Variants in FSTL5 observed in about 807,000 individuals in gnomAD.
FSTL5 encodes follistatin-related protein 5.
A neutral mutation model predicts 89.1 loss-of-function variants in FSTL5; 62 were observed. The ratio of observed to expected loss-of-function variants is 0.70; its 90% confidence interval spans 0.57 to 0.86. FSTL5 has a LOEUF of 0.86. Ranked by LOEUF, FSTL5 falls within the 40% of genes least tolerant of loss-of-function variation. The probability of loss-of-function intolerance (pLI) is 0.00; values close to 1 mark genes in which losing one functional copy is unlikely to be tolerated. For synonymous variants in FSTL5, 383 were observed against 346.2 expected (o/e 1.11, Z -1.18); for missense variants, 1,057 against 1,001.6 (o/e 1.06, Z -0.75).
intron 4 of FSTL5, among the ~76,000 whole-genome samples, chr4:161,880,702 C>T (rs755345136): frequency 1.2e-4 from 19 of 152,076 alleles, no homozygotes; most frequent in Admixed American, 2.0e-4. Context: ...AGTGAAATAC[C>T]ACTCAACAAT....
chr4:161,515,475 G>A (rs1044487466), intron 10 of FSTL5, among the ~76,000 whole-genome samples: 1 of 151,800 alleles, frequency 6.6e-6, no homozygotes, highest in Non-Finnish European at 1.5e-5. Context: ...CCAGAGTGCT[G>A]GGATTACAAG....
chr4:161,839,405 A>G (rs543188205), intron 4 of FSTL5, among the ~76,000 whole-genome samples: 1 of 152,188 alleles, frequency 6.6e-6, no homozygotes, highest in East Asian at 1.9e-4. Flanking sequence ...TTTGCCAAAG[A>G]TCTAATTTCT....
chr4:161,477,157 C>T (rs1490169535), intron 13 of FSTL5, among the ~76,000 whole-genome samples: 1 of 151,546 alleles, frequency 6.6e-6, no homozygotes, highest in Non-Finnish European at 1.5e-5. Flanking sequence ...TTTAAATTTC[C>T]ACTTAGTCTT....
intron 4 of FSTL5, among the ~76,000 whole-genome samples, chr4:161,837,031 A>G (rs539765624): frequency 6.6e-6 from 1 of 152,280 alleles, no homozygotes; most frequent in South Asian, 2.1e-4. Flanking sequence ...AGTTGGACCT[A>G]TGAGTCTAAA....
chr4:162,065,552 G>T (rs10004777), intron 2 of FSTL5, among the ~76,000 whole-genome samples: 36,420 of 151,680 alleles, frequency 0.24, 5,084 homozygotes, highest in Non-Finnish European at 0.32. Context: ...AAGACAAGAG[G>T]TAACACATTT....
At chr4:161,691,959 A>G (rs946980719) in intron 6 of FSTL5, among the ~76,000 whole-genome samples, 1 of 152,062 alleles carries the variant, frequency 6.6e-6, no homozygotes, top group African/African-American at 2.4e-5. Flanking sequence ...ACATATATGT[A>G]TATACACAAT....
rs72987275 is a variant in FSTL5 at position 161,403,334 on chromosome 4, C to T, written c.1842-16885G>A. Among the ~76,000 whole-genome samples the T allele has an allele frequency of 6.0e-3, 901 of 151,316 alleles. 4 individuals are homozygous for T. The highest frequency in any genetic ancestry group is 0.02 in the African/African-American group (821 of 41,268). On this transcript the variant is annotated intron_variant, in intron 15 of 15. Coordinates refer to ENST00000306100, the MANE Select transcript of FSTL5 (RefSeq NM_020116.5). ...GTGTGTGTGTTTGTTTGTTTTCTAA[C>T]GAAAAAACAAGAGGAATCTTTTAAA...
At chr4:161,861,298 C>T (rs74415784) in intron 4 of FSTL5, among the ~76,000 whole-genome samples, 4,333 of 152,082 alleles carry the variant, frequency 0.028, 88 homozygotes, top group Middle Eastern at 0.044. Context: ...TGGTGCGTGC[C>T]GCAATCGCAG....
intron 6 of FSTL5, among the ~76,000 whole-genome samples, chr4:161,712,590 T>C (rs1738827601): frequency 6.6e-6 from 1 of 152,190 alleles, no homozygotes; most frequent in South Asian, 2.1e-4. Flanking sequence ...TTTCAAATGA[T>C]ACATGGTTGC....
intron 3 of FSTL5, among the ~76,000 whole-genome samples, chr4:161,958,182 G>A (rs1459970780): frequency 1.3e-5 from 2 of 151,700 alleles, no homozygotes; most frequent in Non-Finnish European, 2.9e-5. Context: ...TTCATTTGCG[G>A]TTTTAGTTAT....
At chr4:161,481,617 A>C (rs1344002717) in intron 12 of FSTL5, among the ~76,000 whole-genome samples, 1 of 152,238 alleles carries the variant, frequency 6.6e-6, no homozygotes. Context: ...TGTGGAAAAG[A>C]CTGCAGGGTT....
chr4:161,892,052 T>G (rs1327732910), intron 4 of FSTL5, among the ~76,000 whole-genome samples: 1 of 152,036 alleles, frequency 6.6e-6, no homozygotes, highest in African/African-American at 2.4e-5. Flanking sequence ...CAATTAATAT[T>G]AGCTATTCAT....
chr4:162,025,749 T>A (rs1737255373), intron 3 of FSTL5, among the ~76,000 whole-genome samples: 1 of 152,044 alleles, frequency 6.6e-6, no homozygotes, highest in Non-Finnish European at 1.5e-5. Context: ...GGGATATTAT[T>A]TATTTTTTGG....
At chr4:161,994,325 A>C (rs1418646197) in intron 3 of FSTL5, among the ~76,000 whole-genome samples, 1 of 152,108 alleles carries the variant, frequency 6.6e-6, no homozygotes, top group South Asian at 2.1e-4. Context: ...TGTCTTTGCT[A>C]TTGTGAATAG....
In FSTL5 at chr4:161,676,922, A is replaced by T. The variant is rs987649746; in HGVS notation, c.728-20428T>A. On this transcript the variant is annotated intron_variant, in intron 6 of 15. Transcript: ENST00000306100. ...ATTAATTTCAACATTAGACATTTAA[A>T]ATACTTTTTAATATTTAAACTATAT... is the stretch of plus-strand genomic sequence containing the variant. Among the ~76,000 whole-genome samples, 4 of 152,160 alleles carry T rather than the reference A, an allele frequency of 2.6e-5. No homozygotes were observed. The Middle Eastern group carries it at 0.01, about 388-fold the overall frequency.
At position 161,896,260 on chromosome 4, in the gene FSTL5, A is replaced by G. The variant is rs1252209401; in HGVS notation, c.409+24144T>C. 3.3e-5 allele frequency among the ~76,000 whole-genome samples: 5 copies of G among 152,174 alleles called. No individual in the cohort carries two copies. The East Asian group carries it at 9.6e-4, about 29-fold the overall frequency. On this transcript the variant is annotated intron_variant, in intron 4 of 15. Coordinates refer to ENST00000306100, the MANE Select transcript of FSTL5 (RefSeq NM_020116.5). Reference sequence around the variant, plus strand: ...GTTAAAAATGATAGATTGCATGTTAAATGAAACACATGAAATAGTTGTGCT... The same window carrying G: ...GTTAAAAATGATAGATTGCATGTTAGATGAAACACATGAAATAGTTGTGCT...
chr4:161,467,673 C>T (rs1733792454), intron 13 of FSTL5, among the ~76,000 whole-genome samples: 1 of 152,022 alleles, frequency 6.6e-6, no homozygotes, highest in Admixed American at 6.6e-5. Context: ...CAACTTTAAG[C>T]ATGTACTCTG....
intron 4 of FSTL5, among the ~76,000 whole-genome samples, chr4:161,834,529 A>G (rs1370614331): frequency 6.6e-6 from 1 of 152,192 alleles, no homozygotes; most frequent in African/African-American, 2.4e-5. Context: ...TTTGCAGATG[A>G]CATGATTGTA....
chr4:161,393,853 G>C (rs1455491675), intron 15 of FSTL5, among the ~76,000 whole-genome samples: 2 of 152,106 alleles, frequency 1.3e-5, no homozygotes, highest in African/African-American at 4.8e-5. Context: ...AATGGTGGGG[G>C]CTAGTACTCT....
Sources: gnomAD v4.1 joint callset for allele counts (sites outside exome capture counted in the v4.1 genomes callset) on GRCh38, gnomAD v4.1.1 for gene constraint, MANE v1.5 for transcripts, NCBI Gene and HGNC (gene_info 2026-07-23, HGNC 2026-07-21) for gene names.